LCA5: variants seen among roughly 807,000 people sequenced by gnomAD.
LCA5 encodes lebercilin.
In LCA5, 37 loss-of-function variants were observed where a neutral mutation model predicts 53.0. The observed-to-expected ratio is 0.70, with a 90% CI of 0.54 to 0.92. The LOEUF (loss-of-function observed/expected upper bound fraction) is 0.92. Among genes scored for constraint, LCA5 ranks in the 40% least tolerant of loss-of-function variants. The pLI is 0.00. For missense variants in LCA5, 806 were observed against 790.5 expected, an observed-to-expected ratio of 1.02 and a Z score of -0.23; for synonymous variants, 303 against 282.9, an observed-to-expected ratio of 1.07 and a Z score of -0.71.
intron 2 of LCA5, among the ~76,000 whole-genome samples, chr6:79,514,147 A>G (rs1766355897): frequency 6.6e-6 from 1 of 152,112 alleles, no homozygotes; most frequent in Non-Finnish European, 1.5e-5. Flanking sequence ...ATGCCAAGAT[A>G]TTTGGGATCA....
intron 3 of LCA5, among the ~76,000 whole-genome samples, chr6:79,512,062 A>G (rs1279986393): frequency 6.6e-6 from 1 of 152,162 alleles, no homozygotes; most frequent in Non-Finnish European, 1.5e-5. Flanking sequence ...ATATTTATTA[A>G]TTAGCATTCT....
In LCA5 at chr6:79,518,992, C is replaced by A; in HGVS notation, c.-98G>T. 9.1e-7 allele frequency: 1 copy of A among 1,104,150 alleles called. No individual in the cohort carries two copies. 68.4% of individuals were successfully genotyped at this position (1,104,150 alleles called of 1,614,324 possible). A position where few individuals can be genotyped will look rare whatever the true frequency, so the allele number is the denominator to read the frequency against. ...AAAAACATTTTCACAGTCTTCAGAT[C>A]CTGATAATATTCATTTCTGTGCAAT... On this transcript the variant is annotated 5_prime_UTR_variant, in exon 2 of 8. Coordinates refer to ENST00000369846, the MANE Select transcript of LCA5 (RefSeq NM_001122769.3).
intron 3 of LCA5, among the ~76,000 whole-genome samples, chr6:79,500,249 C>A (rs1272153577): frequency 2.0e-5 from 3 of 152,044 alleles, no homozygotes; most frequent in African/African-American, 7.3e-5. Context: ...CATCTTTAAA[C>A]AAACACGTTA....
chr6:79,506,727 AG>A (rs1277058148), intron 3 of LCA5, among the ~76,000 whole-genome samples: 4 of 152,200 alleles, frequency 2.6e-5, no homozygotes, highest in Non-Finnish European at 5.9e-5. Flanking sequence ...GACACTTTGG[AG>A]GGTCTTCAAA....
chr6:79,499,347 A>G (rs1199834382), intron 3 of LCA5, among the ~76,000 whole-genome samples: 2 of 152,138 alleles, frequency 1.3e-5, no homozygotes, highest in East Asian at 1.9e-4. Context: ...TAAAATGCTT[A>G]GAAAAAATAT....
At chr6:79,489,046 C>T (rs779108049) in intron 7 of LCA5, 38 bp downstream of exon 7, 2 of 1,609,208 alleles carry the variant, frequency 1.2e-6, no homozygotes, top group Non-Finnish European at 8.5e-7. Flanking sequence ...TCAAGGGATG[C>T]TGACTTGTCA....
intron 7 of LCA5, chr6:79,488,743 G>A (rs1454773105): frequency 2.4e-6 from 1 of 411,992 alleles, no homozygotes; most frequent in African/African-American, 2.1e-5. Flanking sequence ...ACTTCCAAAT[G>A]AAAAAATTAA....
chr6:79,499,170 C>G (rs1031030646), intron 3 of LCA5, among the ~76,000 whole-genome samples: 1 of 152,134 alleles, frequency 6.6e-6, no homozygotes, highest in South Asian at 2.1e-4. Flanking sequence ...CACAAATTCA[C>G]AGAAAAAGAT....
At chr6:79,489,782 T>C (rs2127667589) in intron 6 of LCA5, among the ~76,000 whole-genome samples, 1 of 152,252 alleles carries the variant, frequency 6.6e-6, no homozygotes, top group South Asian at 2.1e-4. Flanking sequence ...AGTAAAGACT[T>C]GTCTAGTATC....
At chr6:79,535,979 A>G (rs1446246765) in intron 1 of LCA5, among the ~76,000 whole-genome samples, 1 of 152,254 alleles carries the variant, frequency 6.6e-6, no homozygotes, top group Non-Finnish European at 1.5e-5. Context: ...CTACAGAATT[A>G]TAGTTCCACA....
chr6:79,523,616 G>A (rs760336529), intron 1 of LCA5, among the ~76,000 whole-genome samples: 18 of 152,176 alleles, frequency 1.2e-4, no homozygotes, highest in Admixed American at 6.5e-4. Context: ...ACAACTTTCA[G>A]TTTAAATTCC....
intron 2 of LCA5, 30 bp downstream of exon 2, chr6:79,518,675 G>C (rs1376969381): frequency 1.3e-6 from 2 of 1,598,888 alleles, no homozygotes; most frequent in African/African-American, 2.7e-5. Flanking sequence ...AGTCTTCTAG[G>C]TCCACCAGAC....
chr6:79,514,062 G>A (rs1194827855), intron 2 of LCA5, among the ~76,000 whole-genome samples: 2 of 152,096 alleles, frequency 1.3e-5, no homozygotes, highest in Non-Finnish European at 2.9e-5. Flanking sequence ...TCAAACATGA[G>A]CATTATCAGC....
Position 79,485,985 on chromosome 6 carries a change from T to C in LCA5, c.*1019A>G, listed in dbSNP as rs938683030. 1 of 152,194 alleles carries C rather than the reference T, an allele frequency of 6.6e-6. No homozygotes were observed. The highest frequency in any genetic ancestry group is 1.5e-5 in the Non-Finnish European group (1 of 68,022). The allele number at this position is 152,194 out of a possible 1,614,324, so 9.4% of individuals were successfully genotyped here. On this transcript the variant is annotated 3_prime_UTR_variant, in exon 8 of 8. Coordinates refer to ENST00000369846, the MANE Select transcript of LCA5 (RefSeq NM_001122769.3). ...TCTAGTCAACAAGGCAGAAGTCCTA[T>C]GTCTGAAACACTTCTATTCAAAGTT...
chr6:79,489,330 A>G (rs901218847), intron 6 of LCA5, 114 bp from the exon 7 acceptor site: 2 of 1,066,124 alleles, frequency 1.9e-6, no homozygotes, highest in African/African-American at 3.2e-5. Flanking sequence ...ATTAATACAA[A>G]TTTTCAATTA....
intron 3 of LCA5, among the ~76,000 whole-genome samples, chr6:79,511,104 ACATTTAT>A (rs1177155196): frequency 1.3e-5 from 2 of 152,196 alleles, no homozygotes; most frequent in Admixed American, 1.3e-4. Flanking sequence ...CACCAAACAT[ACATTTAT>A]CATAAAACCA....
intron 1 of LCA5, among the ~76,000 whole-genome samples, chr6:79,526,228 A>T (rs1472868422): frequency 6.6e-6 from 1 of 152,130 alleles, no homozygotes; most frequent in Non-Finnish European, 1.5e-5. Flanking sequence ...CACTGCCAGG[A>T]ATGTGGTCAA....
chr6:79,485,623 T>C lies in LCA5; in HGVS notation c.*1381A>G, dbSNP rs995445646. ...ATAGTCATGCAATGAAATTCAATAA[T>C]ATGCATTTATAAGAACTCAGAATAA... On this transcript the variant is annotated 3_prime_UTR_variant, in exon 8 of 8. Coordinates refer to ENST00000369846, the MANE Select transcript of LCA5 (RefSeq NM_001122769.3). 4.6e-5 allele frequency: 7 copies of C among 152,170 alleles called. No homozygotes were observed. The highest frequency in any genetic ancestry group is 1.4e-4 in the African/African-American group (6 of 41,450). 9.4% of individuals were successfully genotyped at this position (152,170 alleles called of 1,614,324 possible). A position where few individuals can be genotyped will look rare whatever the true frequency, so the allele number is the denominator to read the frequency against.
In LCA5 at chr6:79,486,753, G is replaced by C. The variant is rs1050594541; in HGVS notation, c.*251C>G. 2.5e-6 allele frequency: 1 copy of C among 401,344 alleles called. No homozygotes were observed. Among genetic ancestry groups the C allele is most frequent in the African/African-American group, 2.1e-5 (1 of 48,326 alleles). The allele number at this position is 401,344 out of a possible 1,614,324, so 24.9% of individuals were successfully genotyped here. On this transcript the variant is annotated 3_prime_UTR_variant, in exon 8 of 8. Coordinates refer to ENST00000369846, the MANE Select transcript of LCA5 (RefSeq NM_001122769.3). The stretch of plus-strand genomic sequence containing the variant: ...AACTTGCCATAGCACTGGATGAAGA[G>C]TTAAAATCTATTTCATTTTTCAAGA...
Sources: gnomAD v4.1 joint callset for allele counts (sites outside exome capture counted in the v4.1 genomes callset) on GRCh38, gnomAD v4.1.1 for gene constraint, MANE v1.5 for transcripts, NCBI Gene and HGNC (gene_info 2026-07-23, HGNC 2026-07-21) for gene names.